ESPNL: variants seen among roughly 807,000 people sequenced by gnomAD.
ESPNL encodes the protein espin like.
A neutral mutation model predicts 46.8 loss-of-function variants in ESPNL; 49 were observed. That is an observed-to-expected ratio of 1.05 (90% CI 0.83 to 1.33). The LOEUF is 1.33. Ranked by LOEUF, ESPNL falls within the 40% of genes most tolerant of loss-of-function variation. The pLI is 0.00. For missense variants in ESPNL, 1,540 were observed against 1,436.6 expected (o/e 1.07, Z -1.16); for synonymous variants, 664 against 662.1 (o/e 1.00, Z -0.04).
At position 238,127,713 on chromosome 2, in the gene ESPNL, C is replaced by T. The variant is rs773225265; in HGVS notation, c.1194C>T (p.Thr398=). 10 of 1,611,746 alleles carry T rather than the reference C, an allele frequency of 6.2e-6. No individual in the cohort carries two copies. The Admixed American group carries it at 1.3e-4, about 22-fold the overall frequency. ...MTSPAPPRII[T]SATADPEGTE... ...GCCCGGCCCCTCCGAGGATCATCAC[C>T]AGTGCCACGGCTGACCCCGAGGTTC... Residue 398 remains threonine (T), a synonymous_variant, in exon 7 of 9, where the codon ACC becomes ACT. Transcript: ENST00000343063.
chr2:238,121,024 G>A (rs1029571682), intron 5 of ESPNL, among the ~76,000 whole-genome samples: 1 of 152,198 alleles, frequency 6.6e-6, no homozygotes, highest in African/African-American at 2.4e-5. Context: ...CCTGTGGGAG[G>A]TGCCCCCTCG....
intron 4 of ESPNL, among the ~76,000 whole-genome samples, chr2:238,110,949 C>CCT (rs1691704753): frequency 1.8e-5 from 2 of 111,004 alleles, no homozygotes; most frequent in South Asian, 6.2e-4. Context: ...ATTAGTTATT[C>CCT]TTTTTTTTTT....
At position 238,125,964 on chromosome 2, in the gene ESPNL, T is replaced by C. The variant is rs572385728; in HGVS notation, c.1102+580T>C. Among the ~76,000 whole-genome samples, 4 of 151,984 alleles carry C rather than the reference T, an allele frequency of 2.6e-5. No individual in the cohort carries two copies. In the South Asian group the frequency reaches 6.4e-4, roughly 24 times the overall value. On this transcript the variant is annotated intron_variant, in intron 6 of 8. Transcript: ENST00000343063. The stretch of plus-strand genomic sequence containing the variant: ...ACACATAGATACGGGGACCCTTCTC[T>C]GTGTGTGATTGTGTCTGTGTGTGAT...
At chr2:238,118,866 C>A (rs1403912382) in intron 5 of ESPNL, among the ~76,000 whole-genome samples, 2 of 75,228 alleles carry the variant, frequency 2.7e-5, no homozygotes, top group South Asian at 9.7e-4. Context: ...TGGAAGAGGA[C>A]GGATGGAGGA....
chr2:238,130,987 T>C lies in ESPNL; in HGVS notation c.2273T>C (p.Leu758Pro). Reference sequence around the variant, plus strand: ...AGGAGATCGGCCTACACGCCGGCCCTCAAGACAGTGGCCTGCAGGACCCTA... The same window carrying C: ...AGGAGATCGGCCTACACGCCGGCCCCCAAGACAGTGGCCTGCAGGACCCTA... ...HWRRSAYTPALKTVACRTLGA... is the reference protein window; with the variant it reads ...HWRRSAYTPAPKTVACRTLGA... The change falls in exon 9 of 9, where the codon CTC becomes CCC. Residue 758 changes from leucine to proline, a missense_variant. Physicochemically the swap from Leu to Pro is moderately conservative, Grantham distance 98. Coordinates refer to ENST00000343063, the MANE Select transcript of ESPNL (RefSeq NM_194312.4). 6.5e-7 allele frequency: 1 copy of C among 1,547,576 alleles called. No individual in the cohort carries two copies. Among genetic ancestry groups the C allele is most frequent in the Non-Finnish European group, 8.7e-7 (1 of 1,146,878 alleles).
At chr2:238,101,187 C>G (rs545249951) in intron 1 of ESPNL, among the ~76,000 whole-genome samples, 1 of 152,320 alleles carries the variant, frequency 6.6e-6, no homozygotes, top group African/African-American at 2.4e-5. Flanking sequence ...CTGCCCAGTC[C>G]CCTTTGTGCA....
chr2:238,119,164 AGATGGAGGAGGGTGGATGGAGGAGGAATG>A (rs1559263779), intron 5 of ESPNL, among the ~76,000 whole-genome samples: 64 of 42,972 alleles, frequency 1.5e-3, no homozygotes, highest in African/African-American at 5.8e-3. Context: ...GGAGGAGGGG[AGATGGAGGAGGGTGGATGGAGGAGGAATG>A]GATGGAGGAG....
rs1176366578 is a variant in ESPNL, at chr2:238,128,954, A to G, written c.1413+50A>G. Reference sequence around the variant, plus strand: ...CAGTGGGCGGGGCGGGGCCTTTTCCAGGTAGGTGGAAGTGGAAGTCAGGGC... The same window carrying G: ...CAGTGGGCGGGGCGGGGCCTTTTCCGGGTAGGTGGAAGTGGAAGTCAGGGC... On this transcript the variant is annotated intron_variant, in intron 8 of 8. Coordinates refer to ENST00000343063, the MANE Select transcript of ESPNL (RefSeq NM_194312.4). 31 of 1,503,126 alleles carry G rather than the reference A, an allele frequency of 2.1e-5. No homozygotes were observed. The Middle Eastern group carries it at 9.4e-4, about 46-fold the overall frequency. The allele number at this position is 1,503,126 out of a possible 1,614,324, so 93.1% of individuals were successfully genotyped here. A position where few individuals can be genotyped will look rare whatever the true frequency, so the allele number is the denominator to read the frequency against.
intron 5 of ESPNL, 122 bp downstream of exon 5, chr2:238,117,156 A>C: frequency 1.5e-6 from 2 of 1,318,972 alleles, no homozygotes; most frequent in Non-Finnish European, 2.0e-6. Flanking sequence ...CAACTCATAC[A>C]TGGCATTGGA....
Position 238,131,087 on chromosome 2 carries a change from C to A in ESPNL, c.2373C>A (p.Gly791=). The part of the protein sequence containing the change: ...SPGPPSPPSE[G]PRLGHLWQQR... ...GGCCACCCTCCCCGCCCAGCGAGGG[C>A]CCCCGGCTGGGCCACCTGTGGCAGC... Residue 791 remains glycine, a synonymous_variant, in exon 9 of 9, where the codon GGC becomes GGA. Coordinates refer to ENST00000343063, the MANE Select transcript of ESPNL (RefSeq NM_194312.4). The A allele has an allele frequency of 6.5e-7, 1 of 1,541,660 alleles. No individual in the cohort carries two copies. Among genetic ancestry groups the A allele is most frequent in the Non-Finnish European group, 8.7e-7 (1 of 1,145,390 alleles).
At chr2:238,116,848 C>T in intron 4 of ESPNL, 55 bp from the exon 5 acceptor site, 1 of 1,595,960 alleles carries the variant, frequency 6.3e-7, no homozygotes, top group South Asian at 1.1e-5. Context: ...GGGCCAGTCC[C>T]ATGGGCACCT....
intron 2 of ESPNL, 97 bp from the exon 3 acceptor site, chr2:238,104,559 C>A (rs1344475421): frequency 1.5e-6 from 2 of 1,310,638 alleles, no homozygotes; most frequent in East Asian, 2.7e-5. Context: ...TCAGTCATCA[C>A]GGGCAGGGCC....
rs1029719589 is a variant in ESPNL, at chr2:238,130,589, G to A, written c.1875G>A (p.Leu625=). The A allele has an allele frequency of 2.5e-6, 4 of 1,571,610 alleles. No homozygotes were observed. Among genetic ancestry groups the A allele is most frequent in the Non-Finnish European group, 3.5e-6 (4 of 1,158,636 alleles). Residue 625 remains leucine, a synonymous_variant, in exon 9 of 9, where the codon CTG becomes CTA. Transcript: ENST00000343063. ...QGDEKPSTRP[L]QDTCREASAS... ...ATGAGAAGCCATCCACCCGGCCCCTGCAGGACACCTGCAGGGAGGCCTCGG... is the reference window on the plus strand; with the variant it reads ...ATGAGAAGCCATCCACCCGGCCCCTACAGGACACCTGCAGGGAGGCCTCGG...
At chr2:238,113,826 C>G (rs911202293) in intron 4 of ESPNL, among the ~76,000 whole-genome samples, 1 of 152,126 alleles carries the variant, frequency 6.6e-6, no homozygotes, top group Non-Finnish European at 1.5e-5. Flanking sequence ...TCCCTGGTCC[C>G]CTGAGGCTGC....
chr2:238,126,194 CTG>C (rs1407809997), intron 6 of ESPNL, among the ~76,000 whole-genome samples: 3 of 140,180 alleles, frequency 2.1e-5, no homozygotes, highest in South Asian at 2.4e-4. Flanking sequence ...GTGATCGTGT[CTG>C]TGATTGTGTC....
intron 2 of ESPNL, among the ~76,000 whole-genome samples, chr2:238,103,648 C>T (rs1006300): frequency 0.31 from 47,839 of 152,122 alleles, 9,641 homozygotes; most frequent in Non-Finnish European, 0.44. Flanking sequence ...GCGCTGGACA[C>T]CACCTGTTCC....
chr2:238,128,762 T>TG lies in ESPNL; in HGVS notation c.1273dup (p.Asp425GlyfsTer17). The TG allele has an allele frequency of 6.3e-7, 1 of 1,595,630 alleles. No homozygotes were observed. Among genetic ancestry groups the TG allele is most frequent in the South Asian group, 1.1e-5 (1 of 87,952 alleles). ...TCAGATGGCCTGGCCGCACTACAGC[T>TG]GGATGGGCTGCCCTCAGGCGACATC... On this transcript the variant is annotated frameshift_variant, in exon 8 of 9. Coordinates refer to ENST00000343063, the MANE Select transcript of ESPNL (RefSeq NM_194312.4). LOFTEE classifies it high-confidence loss of function.
At position 238,131,933 on chromosome 2, in the gene ESPNL, C is replaced by T. The variant is rs1450861014; in HGVS notation, c.*201C>T. 17 of 611,208 alleles carry T rather than the reference C, an allele frequency of 2.8e-5. No individual in the cohort carries two copies. The East Asian group carries it at 4.7e-4, about 17-fold the overall frequency. 37.9% of individuals were successfully genotyped at this position (611,208 alleles called of 1,614,324 possible). A position where few individuals can be genotyped will look rare whatever the true frequency, so the allele number is the denominator to read the frequency against. On this transcript the variant is annotated 3_prime_UTR_variant, in exon 9 of 9. Coordinates refer to ENST00000343063, the MANE Select transcript of ESPNL (RefSeq NM_194312.4). ...GGACTCAGACTCCTTCTCACCACTG[C>T]ACCCAGGAAGCCCCTTGGCAGGTCC... is the stretch of plus-strand genomic sequence containing the variant.
intron 6 of ESPNL, among the ~76,000 whole-genome samples, chr2:238,126,065 AT>A (rs1692102569): frequency 7.1e-6 from 1 of 141,016 alleles, no homozygotes; most frequent in Admixed American, 7.0e-5. Context: ...TATGTGTGTG[AT>A]TGTTCATGTG....
Sources: gnomAD v4.1 joint callset for allele counts (sites outside exome capture counted in the v4.1 genomes callset) on GRCh38, gnomAD v4.1.1 for gene constraint, MANE v1.5 for transcripts, NCBI Gene and HGNC (gene_info 2026-07-23, HGNC 2026-07-21) for gene names.